NFKBIZ: variants seen among roughly 807,000 people sequenced by gnomAD.
NFKBIZ encodes NF-kappa-B inhibitor zeta.
A neutral mutation model predicts 76.8 loss-of-function variants in NFKBIZ; 19 were observed. The observed-to-expected ratio is 0.25, with a 90% CI of 0.17 to 0.36. NFKBIZ has a LOEUF of 0.36. Among genes scored for constraint, NFKBIZ ranks in the 10% least tolerant of loss-of-function variants. NFKBIZ has a pLI of 1.00. For synonymous variants in NFKBIZ, 368 were observed against 354.8 expected, an observed-to-expected ratio of 1.04 and a Z score of -0.42; for missense variants, 829 against 910.9, an observed-to-expected ratio of 0.91 and a Z score of 1.16.
Position 101,849,858 on chromosome 3 carries a change from C to T in NFKBIZ, c.230C>T (p.Ser77Phe). The change falls in exon 1 of 12, where the codon TCC (serine) becomes TTC (phenylalanine). Residue 77 changes from serine to phenylalanine, a missense_variant. Around this residue, in one of 4 missense-constraint regions of NFKBIZ, gnomAD observed 181 missense variants for 175.3 expected, o/e 1.03. Coordinates refer to ENST00000326172, the MANE Select transcript of NFKBIZ (RefSeq NM_031419.4). ...SSDFSSASSV[S>F]SCGAVESRSR... The stretch of plus-strand genomic sequence containing the variant: ...GACTTCTCCTCTGCCTCGTCGGTGT[C>T]CTCCTGCGGCGCCGTGGAGTCCCGG... 2 of 1,463,416 alleles carry T rather than the reference C, an allele frequency of 1.4e-6. No individual in the cohort carries two copies. Among genetic ancestry groups the T allele is most frequent in the Non-Finnish European group, 1.8e-6 (2 of 1,115,848 alleles). 90.7% of individuals were successfully genotyped at this position (1,463,416 alleles called of 1,614,324 possible).
chr3:101,837,006 C>T (rs530864191), intron 2 of NFKBIZ, among the ~76,000 whole-genome samples: 1 of 152,198 alleles, frequency 6.6e-6, no homozygotes, highest in East Asian at 1.9e-4. Flanking sequence ...GTCTCTTTTC[C>T]CTGTATTTAA....
chr3:101,842,296 A>G (rs2107402666), intron 2 of NFKBIZ, among the ~76,000 whole-genome samples: 1 of 152,310 alleles, frequency 6.6e-6, no homozygotes, highest in African/African-American at 2.4e-5. Flanking sequence ...AGCTGTGGGA[A>G]ACTATACTCA....
At chr3:101,842,927 T>C (rs1942805579) in intron 2 of NFKBIZ, among the ~76,000 whole-genome samples, 1 of 151,356 alleles carries the variant, frequency 6.6e-6, no homozygotes, top group African/African-American at 2.4e-5. Context: ...AATCTGGAAC[T>C]TTTGAGTTGA....
chr3:101,857,261 G>A, intron 10 of NFKBIZ, 31 bp from the exon 11 acceptor site: 1 of 1,613,194 alleles, frequency 6.2e-7, no homozygotes, highest in Non-Finnish European at 8.5e-7. Flanking sequence ...CCCCCTTCCT[G>A]ATGTCTGATA....
chr3:101,833,869 G>A lies in NFKBIZ; in HGVS notation c.-12+4181G>A, dbSNP rs57537091. Among the ~76,000 whole-genome samples the A allele has an allele frequency of 7.2e-5, 11 of 152,300 alleles. No individual in the cohort carries two copies. The East Asian group carries it at 1.7e-3, about 24-fold the overall frequency. On this transcript the variant is annotated intron_variant, in intron 2 of 12. Transcript: ENST00000394054. Reference sequence around the variant, plus strand: ...ACAGATTGCAGCCAAATTGAAGCAGGCAGGAGGTGGACTGGGTGGTGATAA... The same window carrying A: ...ACAGATTGCAGCCAAATTGAAGCAGACAGGAGGTGGACTGGGTGGTGATAA...
At chr3:101,844,221 A>G (rs1258862605) in intron 2 of NFKBIZ, among the ~76,000 whole-genome samples, 2 of 152,206 alleles carry the variant, frequency 1.3e-5, no homozygotes, top group Non-Finnish European at 2.9e-5. Context: ...CCTTGAGACA[A>G]TTGTCATATT....
intron 2 of NFKBIZ, among the ~76,000 whole-genome samples, chr3:101,832,890 A>G (rs1443741202): frequency 6.6e-6 from 1 of 152,252 alleles, no homozygotes; most frequent in African/African-American, 2.4e-5. Flanking sequence ...CAGTGGATGC[A>G]CCATGATGAA....
chr3:101,837,384 A>G (rs192152583), intron 2 of NFKBIZ, among the ~76,000 whole-genome samples: 80 of 152,096 alleles, frequency 5.3e-4, no homozygotes, highest in African/African-American at 1.9e-3. Flanking sequence ...GACTATTAAA[A>G]AATCATTGAG....
At chr3:101,854,344 T>A (rs190290588) in intron 5 of NFKBIZ, among the ~76,000 whole-genome samples, 3 of 152,278 alleles carry the variant, frequency 2.0e-5, no homozygotes, top group African/African-American at 7.2e-5. Flanking sequence ...TTTAAGTTGA[T>A]CAGTATGGTG....
Position 101,853,201 on chromosome 3 carries a change from T to C in NFKBIZ, c.675T>C (p.Asn225=). The C allele has an allele frequency of 1.2e-6, 2 of 1,614,142 alleles. No individual in the cohort carries two copies. The highest frequency in any genetic ancestry group is 1.7e-6 in the Non-Finnish European group (2 of 1,180,024). ...TTCAGAACATTATCAACATTAAGAATGAATGCAGCCCCGTTTCCCTGAACA... is the reference window on the plus strand; with the variant it reads ...TTCAGAACATTATCAACATTAAGAACGAATGCAGCCCCGTTTCCCTGAACA... ...DLLQNIINIK[N]ECSPVSLNTV... is the part of the protein sequence containing the mutation. Residue 225 remains asparagine (N), a synonymous_variant, in exon 5 of 12, where the codon AAT becomes AAC. Coordinates refer to ENST00000326172, the MANE Select transcript of NFKBIZ (RefSeq NM_031419.4).
intron 11 of NFKBIZ, chr3:101,858,413 C>G: frequency 1.0e-6 from 1 of 985,120 alleles, no homozygotes; most frequent in Admixed American, 6.1e-5. Flanking sequence ...TTCCAAGGAC[C>G]AGAACCATCA....
upstream of NFKBIZ, chr3:101,849,439 T>TGGCCG (rs1164079644): frequency 6.2e-5 from 25 of 405,888 alleles, no homozygotes; most frequent in African/African-American, 4.8e-4. Flanking sequence ...GCACCGCCAA[T>TGGCCG]GGCCGGGCCG....
Position 101,849,765 on chromosome 3 carries a change from G to T in NFKBIZ, c.137G>T (p.Gly46Val). Residue 46 changes from glycine to valine, a missense_variant, in exon 1 of 12, where the codon GGC becomes GTC. Coordinates refer to ENST00000326172, the MANE Select transcript of NFKBIZ (RefSeq NM_031419.4). ...YGASPPAAAP[G>V]ACDASCSVLG... Reference sequence around the variant, plus strand: ...GCGTCGCCGCCCGCCGCCGCCCCGGGCGCCTGCGACGCCAGCTGCTCGGTC... The same window carrying T: ...GCGTCGCCGCCCGCCGCCGCCCCGGTCGCCTGCGACGCCAGCTGCTCGGTC... 2 of 1,454,200 alleles carry T rather than the reference G, an allele frequency of 1.4e-6. No individual in the cohort carries two copies. Among genetic ancestry groups the T allele is most frequent in the Non-Finnish European group, 1.8e-6 (2 of 1,108,678 alleles). The allele number at this position is 1,454,200 out of a possible 1,614,324, so 90.1% of individuals were successfully genotyped here.
chr3:101,832,788 G>A (rs1942663492), intron 2 of NFKBIZ, among the ~76,000 whole-genome samples: 1 of 152,176 alleles, frequency 6.6e-6, no homozygotes. Flanking sequence ...GGGTGTACAA[G>A]TATCTGTTTA....
chr3:101,853,244 C>T lies in NFKBIZ; in HGVS notation c.718C>T (p.Leu240=), dbSNP rs751822800. ...VSLNTVQVSW[L]NPVVVPQSSP... is the part of the protein sequence containing the mutation. ...CCTGAACACAGTTCAAGTTAGCTGG[C>T]TGAACCCCGTGGTGGTCCCTCAGAG... Residue 240 remains leucine (L), a synonymous_variant, in exon 5 of 12, where the codon CTG becomes TTG. Coordinates refer to ENST00000326172, the MANE Select transcript of NFKBIZ (RefSeq NM_031419.4). The T allele has an allele frequency of 1.2e-6, 2 of 1,614,148 alleles. No individual in the cohort carries two copies. Among genetic ancestry groups the T allele is most frequent in the Admixed American group, 3.3e-5 (2 of 60,028 alleles).
At chr3:101,837,801 G>T (rs767203515) in intron 2 of NFKBIZ, among the ~76,000 whole-genome samples, 6 of 152,260 alleles carry the variant, frequency 3.9e-5, no homozygotes, top group African/African-American at 9.6e-5. Flanking sequence ...AGGACACTCT[G>T]CAGGGCAACA....
intron 11 of NFKBIZ, chr3:101,857,944 A>G: frequency 1.2e-6 from 1 of 855,088 alleles, no homozygotes; most frequent in Non-Finnish European, 1.4e-6. Flanking sequence ...TGAACAAAAA[A>G]TGGAAAAATT....
chr3:101,830,696 G>A (rs186835232), intron 2 of NFKBIZ, among the ~76,000 whole-genome samples: 123 of 151,346 alleles, frequency 8.1e-4, no homozygotes, highest in African/African-American at 2.5e-3. Flanking sequence ...CAGTGTATAC[G>A]TACCACATTT....
chr3:101,844,128 G>C (rs977807637), intron 2 of NFKBIZ, among the ~76,000 whole-genome samples: 1 of 152,134 alleles, frequency 6.6e-6, no homozygotes, highest in African/African-American at 2.4e-5. Flanking sequence ...AAAACAGAGG[G>C]CAGTTCAGCT....
Sources: allele counts gnomAD v4.1 joint callset (sites outside exome capture counted in the v4.1 genomes callset), GRCh38; gene constraint gnomAD v4.1.1; regional missense constraint gnomAD v4.1.1; transcripts MANE v1.5; gene names NCBI Gene and HGNC (gene_info 2026-07-23, HGNC 2026-07-21).